Variants in ST7L observed in about 807,000 individuals in gnomAD.
The protein encoded by ST7L is suppression of tumorigenicity 7 like, also known as suppressor of tumorigenicity 7 protein-like.
ST7L carries 57 observed loss-of-function variants against 72.5 expected under a neutral mutation model. The ratio of observed to expected loss-of-function variants is 0.79; its 90% confidence interval spans 0.64 to 0.98. The LOEUF is 0.98. Ranked by LOEUF, ST7L falls within the 50% of genes least tolerant of loss-of-function variation. ST7L has a pLI of 0.00. For missense variants in ST7L, 576 were observed against 672.2 expected, an observed-to-expected ratio of 0.86 and a Z score of 1.58; for synonymous variants, 221 against 240.9, an observed-to-expected ratio of 0.92 and a Z score of 0.77.
At chr1:112,564,044 C>G (rs921581445) in intron 11 of ST7L, among the ~76,000 whole-genome samples, 3 of 152,172 alleles carry the variant, frequency 2.0e-5, no homozygotes, top group Non-Finnish European at 2.9e-5. Context: ...TCTCAGTGCA[C>G]ATTCTATGAG....
chr1:112,618,256 T>C, intron 1 of ST7L: 2 of 1,097,648 alleles, frequency 1.8e-6, no homozygotes, highest in Non-Finnish European at 2.2e-6. Flanking sequence ...CATGTGTTCG[T>C]ATTGTCAGCA....
At position 112,610,999 on chromosome 1, in the gene ST7L, A is replaced by C. The variant is rs757888114; in HGVS notation, c.293T>G (p.Phe98Cys). 1.2e-5 allele frequency: 19 copies of C among 1,613,566 alleles called. No individual in the cohort carries two copies. Among genetic ancestry groups the C allele is most frequent in the Non-Finnish European group, 8.5e-6 (10 of 1,179,952 alleles). ...SSLISGLIFI[F>C]EWWYFHKHGT... The stretch of plus-strand genomic sequence containing the variant: ...ATGCTTATGGAAGTACCACCATTCA[A>C]ATATCTATGACAAACAGAAAATATC... Residue 98 changes from phenylalanine (F) to cysteine (C), a missense_variant, in exon 3 of 15, where the codon TTT (phenylalanine) becomes TGT (cysteine). By Grantham distance (205) the Phe-to-Cys change is radical. This residue lies in a region of ST7L where 511 missense variants were observed against 600.7 expected (regional missense o/e 0.85). Transcript: ENST00000358039.
chr1:112,581,988 T>G lies in ST7L; in HGVS notation c.1069+4A>C. On this transcript the variant is annotated splice_donor_region_variant and intron_variant, in intron 9 of 14. Transcript: ENST00000358039. ...ATGCTATCAACTAAGGGAATATGAC[T>G]CACCATCATATTTTGCTAGGACTGC... 1 of 1,519,566 alleles carries G rather than the reference T, an allele frequency of 6.6e-7. No individual in the cohort carries two copies. Among genetic ancestry groups the G allele is most frequent in the East Asian group, 2.3e-5 (1 of 44,318 alleles). 94.1% of individuals were successfully genotyped at this position (1,519,566 alleles called of 1,614,324 possible). A position where few individuals can be genotyped will look rare whatever the true frequency, so the allele number is the denominator to read the frequency against.
At chr1:112,566,003 T>C (rs546620905) in intron 11 of ST7L, among the ~76,000 whole-genome samples, 2 of 145,058 alleles carry the variant, frequency 1.4e-5, no homozygotes, top group South Asian at 4.4e-4. Context: ...AGAACAAAAC[T>C]CTGTCTCAAG....
intron 11 of ST7L, among the ~76,000 whole-genome samples, chr1:112,570,410 A>G (rs1661870277): frequency 6.6e-6 from 1 of 152,100 alleles, no homozygotes; most frequent in Admixed American, 6.6e-5. Context: ...ACAGCTCTAG[A>G]CCTACAGCCA....
rs1365603310 is a variant in ST7L at position 112,525,256 on chromosome 1, A to G, written c.*757T>C. Reference sequence around the variant, plus strand: ...AACTGGAGAGCTTTGGATTCCAGGGATGATCTCCATAAGAGAGAAGCACTG... The same window carrying G: ...AACTGGAGAGCTTTGGATTCCAGGGGTGATCTCCATAAGAGAGAAGCACTG... On this transcript the variant is annotated 3_prime_UTR_variant, in exon 15 of 15. Transcript: ENST00000358039. 1 of 152,202 alleles carries G rather than the reference A, an allele frequency of 6.6e-6. No individual in the cohort carries two copies. The highest frequency in any genetic ancestry group is 2.4e-5 in the African/African-American group (1 of 41,430). 9.4% of individuals were successfully genotyped at this position (152,202 alleles called of 1,614,324 possible). A position where few individuals can be genotyped will look rare whatever the true frequency, so the allele number is the denominator to read the frequency against.
chr1:112,583,403 C>T (rs1278822526), intron 7 of ST7L, among the ~76,000 whole-genome samples: 1 of 152,136 alleles, frequency 6.6e-6, no homozygotes, highest in Non-Finnish European at 1.5e-5. Flanking sequence ...TATCTAAGAA[C>T]AGAAAGGACT....
chr1:112,567,966 G>A (rs947952112), intron 11 of ST7L, among the ~76,000 whole-genome samples: 1 of 152,130 alleles, frequency 6.6e-6, no homozygotes, highest in African/African-American at 2.4e-5. Flanking sequence ...TCTAACTGAT[G>A]TGTGAAGTGT....
chr1:112,603,331 C>T (rs2102065298), intron 3 of ST7L, among the ~76,000 whole-genome samples: 1 of 152,212 alleles, frequency 6.6e-6, no homozygotes, highest in Non-Finnish European at 1.5e-5. Context: ...GTAAAAGATC[C>T]ATTCAAAATG....
At chr1:112,562,455 A>G (rs565677890) in intron 11 of ST7L, among the ~76,000 whole-genome samples, 1 of 152,066 alleles carries the variant, frequency 6.6e-6, no homozygotes, top group African/African-American at 2.4e-5. Flanking sequence ...AGACCAATTA[A>G]AAAAAAAGAT....
chr1:112,542,635 G>C (rs1656309691), intron 13 of ST7L, among the ~76,000 whole-genome samples: 1 of 151,974 alleles, frequency 6.6e-6, no homozygotes, highest in African/African-American at 2.4e-5. Flanking sequence ...TGTGCCTGTA[G>C]GTCCAGCTAC....
At chr1:112,561,378 C>CAAAA (rs33953697) in intron 11 of ST7L, among the ~76,000 whole-genome samples, 7 of 90,560 alleles carry the variant, frequency 7.7e-5, no homozygotes, top group East Asian at 3.9e-4. Context: ...CTCCCTGCCT[C>CAAAA]AAAAAAAAAA....
At chr1:112,562,051 C>T (rs1386758954) in intron 11 of ST7L, among the ~76,000 whole-genome samples, 1 of 151,190 alleles carries the variant, frequency 6.6e-6, no homozygotes, top group Non-Finnish European at 1.5e-5. Flanking sequence ...ACTGCAGCCT[C>T]GACCTCCTGG....
intron 12 of ST7L, 59 bp downstream of exon 12, chr1:112,555,809 C>T (rs1659013826): frequency 2.2e-6 from 3 of 1,353,016 alleles, no homozygotes; most frequent in Non-Finnish European, 2.9e-6. Flanking sequence ...AAAAAGACTG[C>T]CTGTGAATTC....
At chr1:112,563,148 GCAAA>G (rs1456852877) in intron 11 of ST7L, among the ~76,000 whole-genome samples, 3 of 151,434 alleles carry the variant, frequency 2.0e-5, no homozygotes, top group Non-Finnish European at 4.4e-5. Context: ...GGTAATGAAG[GCAAA>G]CAAGAGTCAG....
intron 5 of ST7L, among the ~76,000 whole-genome samples, chr1:112,596,436 A>G (rs1309261742): frequency 2.0e-5 from 3 of 152,216 alleles, no homozygotes; most frequent in African/African-American, 4.8e-5. Context: ...GACTCAAGGC[A>G]TATTACTTGA....
chr1:112,541,238 C>T (rs182645945), intron 14 of ST7L, among the ~76,000 whole-genome samples: 6 of 151,230 alleles, frequency 4.0e-5, no homozygotes, highest in Non-Finnish European at 8.8e-5. Flanking sequence ...GAGCTGAGAT[C>T]GTACCACTGC....
chr1:112,566,806 G>A (rs1661139745), intron 11 of ST7L, among the ~76,000 whole-genome samples: 1 of 152,022 alleles, frequency 6.6e-6, no homozygotes, highest in African/African-American at 2.4e-5. Context: ...TGTATCAGTA[G>A]GTCTTTTTAT....
chr1:112,570,570 T>TATATATATATACACACACAC (rs1183877129), intron 11 of ST7L, among the ~76,000 whole-genome samples: 1 of 143,372 alleles, frequency 7.0e-6, no homozygotes, highest in African/African-American at 2.6e-5. Flanking sequence ...TATATATATA[T>TATATATATATACACACACAC]ACACACACAC....
Sources: gnomAD v4.1 joint callset for allele counts (sites outside exome capture counted in the v4.1 genomes callset) on GRCh38, gnomAD v4.1.1 for gene constraint, gnomAD v4.1.1 regional missense constraint, MANE v1.5 for transcripts, NCBI Gene and HGNC (gene_info 2026-07-23, HGNC 2026-07-21) for gene names.